Variants in SGPP2 observed in about 807,000 individuals in gnomAD.
SGPP2 encodes the protein sphingosine 1-phosphate phosphohydrolase 2.
In SGPP2, 30 loss-of-function variants were observed where a neutral mutation model predicts 33.9. The observed-to-expected ratio is 0.89, with a 90% confidence interval of 0.66 to 1.20. SGPP2 has a LOEUF of 1.20. Ranked by LOEUF, SGPP2 falls within the 50% of genes most tolerant of loss-of-function variation. SGPP2 has a pLI of 0.00. For synonymous variants in SGPP2, 233 were observed against 225.0 expected (o/e 1.04, Z -0.32); for missense variants, 458 against 532.1 (o/e 0.86, Z 1.37).
At chr2:222,544,906 A>T (rs2106151313) in intron 4 of SGPP2, among the ~76,000 whole-genome samples, 1 of 152,294 alleles carries the variant, frequency 6.6e-6, no homozygotes, top group Admixed American at 6.5e-5. Flanking sequence ...TGCACTTTTA[A>T]TAGTGGGCCT....
chr2:222,521,701 T>C, intron 2 of SGPP2, 66 bp from the exon 3 acceptor site: 1 of 1,533,756 alleles, frequency 6.5e-7, no homozygotes, highest in South Asian at 1.2e-5. Flanking sequence ...AATATATCCA[T>C]GACATTTGGA....
intron 4 of SGPP2, among the ~76,000 whole-genome samples, chr2:222,528,070 C>G (rs1294416934): frequency 1.3e-5 from 2 of 152,150 alleles, no homozygotes; most frequent in Non-Finnish European, 2.9e-5. Flanking sequence ...CGTGCCCCTT[C>G]CCTGGGCCCC....
intron 2 of SGPP2, among the ~76,000 whole-genome samples, chr2:222,482,291 G>A (rs1173628735): frequency 6.6e-6 from 1 of 152,232 alleles, no homozygotes; most frequent in Non-Finnish European, 1.5e-5. Flanking sequence ...ACAAATGCTA[G>A]TGAACAGTTT....
chr2:222,441,455 A>G (rs1334035282), intron 1 of SGPP2, among the ~76,000 whole-genome samples: 3 of 152,242 alleles, frequency 2.0e-5, no homozygotes, highest in African/African-American at 7.2e-5. Context: ...CACATTCATG[A>G]TCTATTGTTC....
At chr2:222,503,943 A>T (rs2106120003) in intron 2 of SGPP2, 1 of 152,326 alleles carries the variant, frequency 6.6e-6, no homozygotes, top group African/African-American at 2.4e-5. Flanking sequence ...ATTTATGGTC[A>T]TACCAAAAAA....
chr2:222,541,498 G>A (rs2106149014), intron 4 of SGPP2, among the ~76,000 whole-genome samples: 1 of 152,322 alleles, frequency 6.6e-6, no homozygotes, highest in South Asian at 2.1e-4. Flanking sequence ...AGGTGTGTAA[G>A]TAGTGCCTAG....
chr2:222,442,153 T>G (rs1697334088), intron 1 of SGPP2, among the ~76,000 whole-genome samples: 1 of 152,252 alleles, frequency 6.6e-6, no homozygotes, highest in African/African-American at 2.4e-5. Flanking sequence ...CAGGAACATC[T>G]TAAGAGATAC....
At chr2:222,499,034 T>C (rs146236830) in intron 2 of SGPP2, among the ~76,000 whole-genome samples, 243 of 152,376 alleles carry the variant, frequency 1.6e-3, no homozygotes, top group Admixed American at 0.013. Flanking sequence ...AAAGCCATCT[T>C]TGAATTGGTC....
At chr2:222,425,692 G>T (rs1211971212) in intron 1 of SGPP2, among the ~76,000 whole-genome samples, 1 of 152,202 alleles carries the variant, frequency 6.6e-6, no homozygotes, top group Non-Finnish European at 1.5e-5. Flanking sequence ...AAAGTGTGGC[G>T]CAGGAGAACA....
chr2:222,540,817 G>GTTTTTT (rs750932260), intron 4 of SGPP2, among the ~76,000 whole-genome samples: 10 of 108,424 alleles, frequency 9.2e-5, no homozygotes, highest in Non-Finnish European at 1.6e-4. Context: ...CTTATAAACT[G>GTTTTTT]TTTTTTTTTT....
At chr2:222,444,330 C>A (rs1002615277) in intron 1 of SGPP2, among the ~76,000 whole-genome samples, 1 of 152,190 alleles carries the variant, frequency 6.6e-6, no homozygotes, top group Non-Finnish European at 1.5e-5. Context: ...TTTGGCAGTC[C>A]TTCCTTCTGG....
At chr2:222,481,700 A>T (rs1698032981) in intron 2 of SGPP2, among the ~76,000 whole-genome samples, 1 of 152,084 alleles carries the variant, frequency 6.6e-6, no homozygotes, top group African/African-American at 2.4e-5. Context: ...TCGGGCACTT[A>T]ATGTTTCTGG....
chr2:222,429,465 G>C (rs1264597188), intron 1 of SGPP2, among the ~76,000 whole-genome samples: 1 of 152,182 alleles, frequency 6.6e-6, no homozygotes, highest in East Asian at 1.9e-4. Context: ...GAATATATTT[G>C]ATCTTTTTTT....
At chr2:222,424,540 G>T, upstream of SGPP2, 2 of 1,106,412 alleles carry the variant, frequency 1.8e-6, no homozygotes, top group Non-Finnish European at 2.3e-6. Context: ...CGGGAGTGGC[G>T]GTGCCAGCGG....
chr2:222,480,845 A>G (rs747115933), intron 2 of SGPP2, among the ~76,000 whole-genome samples: 11 of 152,246 alleles, frequency 7.2e-5, no homozygotes, highest in Non-Finnish European at 1.0e-4. Flanking sequence ...CACAATAGCA[A>G]AGTCATGGAA....
chr2:222,431,806 A>G, intron 1 of SGPP2, among the ~76,000 whole-genome samples: 1 of 152,172 alleles, frequency 6.6e-6, no homozygotes, highest in South Asian at 2.1e-4. Flanking sequence ...CATTCTCCAT[A>G]TGCCTTCTTT....
intron 1 of SGPP2, among the ~76,000 whole-genome samples, chr2:222,428,562 TC>T (rs536648054): frequency 3.3e-5 from 5 of 152,284 alleles, no homozygotes; most frequent in African/African-American, 1.2e-4. Flanking sequence ...ATAAGTTGTT[TC>T]TAGAAATCTT....
chr2:222,475,988 C>G (rs1264134134), intron 2 of SGPP2, among the ~76,000 whole-genome samples: 1 of 152,166 alleles, frequency 6.6e-6, no homozygotes, highest in Non-Finnish European at 1.5e-5. Flanking sequence ...GCTATTTGAG[C>G]ATGATAACGC....
intron 2 of SGPP2, among the ~76,000 whole-genome samples, chr2:222,475,216 T>C (rs1187653340): frequency 6.6e-6 from 1 of 152,144 alleles, no homozygotes; most frequent in Non-Finnish European, 1.5e-5. Context: ...ACTACAGATG[T>C]GCACCACCAC....
Sources: gnomAD v4.1 joint callset for allele counts (sites outside exome capture counted in the v4.1 genomes callset) on GRCh38, gnomAD v4.1.1 for gene constraint, MANE v1.5 for transcripts, NCBI Gene and HGNC (gene_info 2026-07-23, HGNC 2026-07-21) for gene names.